SGCZ: variants seen among roughly 807,000 people sequenced by gnomAD.
SGCZ encodes the protein sarcoglycan zeta.
Under a neutral mutation model 41.3 loss-of-function variants are expected in SGCZ, and 40 were observed. That is an observed-to-expected ratio of 0.97 (90% CI 0.75 to 1.26). SGCZ has a LOEUF of 1.26. Ranked by LOEUF, SGCZ falls within the 50% of genes most tolerant of loss-of-function variation. The pLI, the probability that SGCZ is intolerant of heterozygous loss-of-function variation, is 0.00. For synonymous variants in SGCZ, 206 were observed against 137.5 expected, an observed-to-expected ratio of 1.50 and a Z score of -3.49; for missense variants, 552 against 369.8, an observed-to-expected ratio of 1.49 and a Z score of -4.04.
At chr8:14,642,484 T>TA in intron 1 of SGCZ, among the ~76,000 whole-genome samples, 1 of 151,440 alleles carries the variant, frequency 6.6e-6, no homozygotes, top group African/African-American at 2.4e-5. Flanking sequence ...ACTTACTATA[T>TA]GTAAGTTACA....
At chr8:14,657,149 T>C (rs1472749378) in intron 1 of SGCZ, among the ~76,000 whole-genome samples, 2 of 152,088 alleles carry the variant, frequency 1.3e-5, no homozygotes, top group East Asian at 3.8e-4. Flanking sequence ...GATTTTGATC[T>C]TCCTTTTGTG....
intron 5 of SGCZ, among the ~76,000 whole-genome samples, chr8:14,117,904 G>T (rs906693343): frequency 2.8e-5 from 3 of 108,662 alleles, no homozygotes; most frequent in African/African-American, 9.5e-5. Context: ...TCCCTGCAAA[G>T]GACATGAACT....
At chr8:14,328,785 T>G (rs1447843322) in intron 2 of SGCZ, among the ~76,000 whole-genome samples, 1 of 152,118 alleles carries the variant, frequency 6.6e-6, no homozygotes, top group African/African-American at 2.4e-5. Flanking sequence ...TATTAAGAGG[T>G]GGAGGCTTTA....
At chr8:14,407,399 G>C (rs554305459) in intron 2 of SGCZ, among the ~76,000 whole-genome samples, 2 of 152,184 alleles carry the variant, frequency 1.3e-5, no homozygotes, top group South Asian at 4.1e-4. Flanking sequence ...CTGAGTTTCA[G>C]AAAATTTTAA....
chr8:14,984,607 T>C (rs1382301642), intron 1 of SGCZ, among the ~76,000 whole-genome samples: 5 of 152,142 alleles, frequency 3.3e-5, no homozygotes, highest in Non-Finnish European at 7.4e-5. Flanking sequence ...TTTCTGACCA[T>C]TGTATATCCT....
chr8:15,109,218 T>G (rs996539975), intron 1 of SGCZ, among the ~76,000 whole-genome samples: 6 of 152,280 alleles, frequency 3.9e-5, no homozygotes, highest in African/African-American at 1.4e-4. Flanking sequence ...CAATGCCTTC[T>G]CCTTTCCCAG....
chr8:15,176,390 T>A (rs1428987000), intron 1 of SGCZ, among the ~76,000 whole-genome samples: 10 of 152,230 alleles, frequency 6.6e-5, no homozygotes, highest in Non-Finnish European at 1.5e-4. Flanking sequence ...AGATAGTGCA[T>A]GTCTATAAAT....
chr8:15,073,935 T>C (rs868757599), intron 1 of SGCZ, among the ~76,000 whole-genome samples: 1 of 152,234 alleles, frequency 6.6e-6, no homozygotes, highest in African/African-American at 2.4e-5. Flanking sequence ...TCTCTGCACA[T>C]AGGCCAACCT....
At chr8:14,228,018 C>T (rs1270074159) in intron 4 of SGCZ, among the ~76,000 whole-genome samples, 1 of 141,322 alleles carries the variant, frequency 7.1e-6, no homozygotes, top group Non-Finnish European at 1.6e-5. Context: ...CATTTAGGAA[C>T]CCTAATACTG....
chr8:14,203,360 G>A (rs913541185), intron 4 of SGCZ, among the ~76,000 whole-genome samples: 17 of 152,044 alleles, frequency 1.1e-4, no homozygotes, highest in African/African-American at 2.2e-4. Flanking sequence ...AAATTTTATC[G>A]GAGCTAAAGA....
chr8:14,173,501 T>C (rs1410403041), intron 4 of SGCZ, among the ~76,000 whole-genome samples: 1 of 152,130 alleles, frequency 6.6e-6, no homozygotes, highest in Non-Finnish European at 1.5e-5. Flanking sequence ...AATTCGCGTA[T>C]TATAATTCCT....
At chr8:14,474,814 G>C (rs1182035118) in intron 2 of SGCZ, among the ~76,000 whole-genome samples, 1 of 152,104 alleles carries the variant, frequency 6.6e-6, no homozygotes, top group Non-Finnish European at 1.5e-5. Flanking sequence ...AGCCACCAAA[G>C]AGATATTGGA....
intron 1 of SGCZ, among the ~76,000 whole-genome samples, chr8:14,593,443 T>A (rs1330186823): frequency 6.6e-6 from 1 of 152,106 alleles, no homozygotes; most frequent in Non-Finnish European, 1.5e-5. Flanking sequence ...ACAGAATAGA[T>A]CTGTTTTAAG....
intron 1 of SGCZ, among the ~76,000 whole-genome samples, chr8:14,581,244 G>C (rs999180237): frequency 6.6e-6 from 1 of 152,066 alleles, no homozygotes; most frequent in East Asian, 1.9e-4. Flanking sequence ...GACTAGCTGG[G>C]ATTACAAGCA....
chr8:14,256,573 T>G (rs1341507763), intron 3 of SGCZ, among the ~76,000 whole-genome samples: 1 of 152,122 alleles, frequency 6.6e-6, no homozygotes, highest in Non-Finnish European at 1.5e-5. Flanking sequence ...CTCTTTCTCC[T>G]CCCTGAAGGT....
At chr8:15,198,784 A>G (rs1221105423) in intron 1 of SGCZ, among the ~76,000 whole-genome samples, 2 of 152,176 alleles carry the variant, frequency 1.3e-5, no homozygotes, top group African/African-American at 2.4e-5. Context: ...AACTAGCTCA[A>G]TGTCGCACAG....
chr8:14,944,195 T>G (rs1322086345), intron 1 of SGCZ, among the ~76,000 whole-genome samples: 1 of 152,228 alleles, frequency 6.6e-6, no homozygotes, highest in East Asian at 1.9e-4. Context: ...CACCTCTGGC[T>G]AAGTTTTAAG....
chr8:14,776,899 C>G (rs1302143537), intron 1 of SGCZ, among the ~76,000 whole-genome samples: 1 of 152,158 alleles, frequency 6.6e-6, no homozygotes, highest in Non-Finnish European at 1.5e-5. Context: ...AGACTGACCA[C>G]AGAAATGTTA....
chr8:15,020,804 A>T (rs1803221117), intron 1 of SGCZ, among the ~76,000 whole-genome samples: 1 of 152,202 alleles, frequency 6.6e-6, no homozygotes. Flanking sequence ...AACTATCCAC[A>T]CTTGTGTTCT....
Sources: gnomAD v4.1 joint callset for allele counts (sites outside exome capture counted in the v4.1 genomes callset) on GRCh38, gnomAD v4.1.1 for gene constraint, MANE v1.5 for transcripts, NCBI Gene and HGNC (gene_info 2026-07-23, HGNC 2026-07-21) for gene names.